The following LIMCH1 variants were observed in gnomAD, a reference collection of about 807,000 sequenced individuals.
LIMCH1 encodes the protein LIM and calponin homology domains-containing protein 1.
LIMCH1 carries 113 observed loss-of-function variants against 176.5 expected under a neutral mutation model. The ratio of observed to expected loss-of-function variants is 0.64; its 90% CI spans 0.55 to 0.75. LIMCH1 has a LOEUF of 0.75. LIMCH1 is among the 30% of genes least tolerant of loss of function. LIMCH1 has a pLI of 0.00. For synonymous variants in LIMCH1, 619 were observed against 645.9 expected (o/e 0.96, Z 0.63); for missense variants, 1,674 against 1,814.9 (o/e 0.92, Z 1.41).
chr4:41,502,641 A>G (rs141798622), intron 2 of LIMCH1, among the ~76,000 whole-genome samples: 59 of 152,224 alleles, frequency 3.9e-4, no homozygotes, highest in African/African-American at 1.2e-3. Context: ...TTTGATTTGC[A>G]TTTCTCTAAT....
At chr4:41,659,589 G>A (rs550165747) in intron 18 of LIMCH1, among the ~76,000 whole-genome samples, 1 of 152,100 alleles carries the variant, frequency 6.6e-6, no homozygotes, top group South Asian at 2.1e-4. Flanking sequence ...TATGAGAGAC[G>A]AATAAATTCA....
At chr4:41,656,788 G>A (rs16853420) in intron 18 of LIMCH1, among the ~76,000 whole-genome samples, 1,532 of 152,238 alleles carry the variant, frequency 0.01, 28 homozygotes, top group African/African-American at 0.034. Flanking sequence ...ACCGTTGCTC[G>A]GGAAAGGACG....
chr4:41,399,840 A>ATTTTTTTTTTTTTT (rs71198650), intron 1 of LIMCH1, among the ~76,000 whole-genome samples: 3 of 114,112 alleles, frequency 2.6e-5, no homozygotes, highest in African/African-American at 1.2e-4. Flanking sequence ...TGCCCGGCTA[A>ATTTTTTTTTTTTTT]TTTTTTTTTT....
intron 1 of LIMCH1, among the ~76,000 whole-genome samples, chr4:41,539,018 G>A (rs545300669): frequency 6.6e-6 from 1 of 152,234 alleles, no homozygotes; most frequent in South Asian, 2.1e-4. Context: ...CGTCAGACCC[G>A]TCTGAATGCT....
At chr4:41,390,240 GA>G (rs2057053358) in intron 1 of LIMCH1, among the ~76,000 whole-genome samples, 1 of 54,452 alleles carries the variant, frequency 1.8e-5, no homozygotes, top group African/African-American at 1.5e-4. Flanking sequence ...CTCTCTCAGG[GA>G]GAGAGAGAGA....
At chr4:41,390,239 G>GGAGAGAGAGAGAGA (rs34011822) in intron 1 of LIMCH1, among the ~76,000 whole-genome samples, 9 of 138,348 alleles carry the variant, frequency 6.5e-5, no homozygotes, top group African/African-American at 1.3e-4. Context: ...TCTCTCTCAG[G>GGAGAGAGAGAGAGA]GAGAGAGAGA....
chr4:41,685,878 C>A, intron 28 of LIMCH1, 48 bp downstream of exon 28: 6 of 1,592,878 alleles, frequency 3.8e-6, no homozygotes, highest in Middle Eastern at 1.7e-4. Context: ...TTTAAAAATT[C>A]ATTTAGTTAG....
chr4:41,648,658 G>GGGGTGTGTGT (rs1554153123), intron 17 of LIMCH1, among the ~76,000 whole-genome samples: 30 of 135,398 alleles, frequency 2.2e-4, no homozygotes, highest in African/African-American at 7.9e-4. Flanking sequence ...AAGGGGTAGG[G>GGGGTGTGTGT]GTGTGTGTGT....
At chr4:41,359,793 G>C (rs943700400), upstream of LIMCH1, 4 of 152,108 alleles carry the variant, frequency 2.6e-5, no homozygotes, top group African/African-American at 9.7e-5. Context: ...TAATGGAACC[G>C]CGACTCACAG....
intron 1 of LIMCH1, among the ~76,000 whole-genome samples, chr4:41,450,087 T>A (rs1226219263): frequency 6.6e-6 from 1 of 152,204 alleles, no homozygotes; most frequent in East Asian, 1.9e-4. Context: ...GGTCACATTC[T>A]GAAGGTACTG....
At chr4:41,397,797 T>C (rs934098525) in intron 1 of LIMCH1, among the ~76,000 whole-genome samples, 2 of 152,228 alleles carry the variant, frequency 1.3e-5, no homozygotes, top group Non-Finnish European at 2.9e-5. Flanking sequence ...CTCCTTACAA[T>C]CTTATCAGTC....
At chr4:41,571,542 G>C (rs991233417) in intron 1 of LIMCH1, among the ~76,000 whole-genome samples, 6 of 152,056 alleles carry the variant, frequency 3.9e-5, no homozygotes, top group Non-Finnish European at 8.8e-5. Flanking sequence ...AGGGGAATGG[G>C]ATAAAATTAT....
intron 7 of LIMCH1, among the ~76,000 whole-genome samples, chr4:41,625,246 G>A (rs1233731194): frequency 1.3e-5 from 2 of 152,056 alleles, no homozygotes; most frequent in African/African-American, 2.4e-5. Flanking sequence ...TATCTGGAAT[G>A]TACTAAATGT....
intron 4 of LIMCH1, among the ~76,000 whole-genome samples, chr4:41,607,953 A>G (rs1352917823): frequency 6.6e-6 from 1 of 152,242 alleles, no homozygotes; most frequent in Non-Finnish European, 1.5e-5. Context: ...TGTGATATAT[A>G]TAATCTCATT....
At chr4:41,369,943 T>TGTGTGTGTGTGTG (rs1554016001) in intron 1 of LIMCH1, among the ~76,000 whole-genome samples, 20 of 151,382 alleles carry the variant, frequency 1.3e-4, no homozygotes, top group Admixed American at 8.5e-4. Context: ...AAGCAAAGTG[T>TGTGTGTGTGTGTG]GTGTGTGTGT....
rs1335811878 is a variant in LIMCH1, at chr4:41,632,772, A to C, written c.1625A>C (p.Asp542Ala). 2 of 1,536,296 alleles carry C rather than the reference A, an allele frequency of 1.3e-6. No homozygotes were observed. Among genetic ancestry groups the C allele is most frequent in the East Asian group, 4.9e-5 (2 of 40,912 alleles). The change falls in exon 11 of 32, where the codon GAC (aspartate) becomes GCC (alanine). Residue 542 changes from aspartate to alanine, a missense_variant. By Grantham distance (126) the Asp-to-Ala change is moderately radical. Coordinates refer to ENST00000503057, the MANE Select transcript of LIMCH1 (RefSeq NM_001330672.2). ...AGAACAATGAATTGTGGCCGAGGTG[A>C]CTATTGCAGAAGGGCCTCGTGGCTG... Reference protein sequence around the residue: ...DCRTMNCGRGDYCRRASWLAP... With the variant: ...DCRTMNCGRGAYCRRASWLAP...
chr4:41,650,504 G>A lies in LIMCH1; in HGVS notation c.2932G>A (p.Glu978Lys), dbSNP rs147874816. ...AHSLTKSQMF[E>K]GVARVHGSPL... ...CTCCTTAACCAAATCCCAGATGTTT[G>A]AAGGTGTGGCCAGAGTGCACGGGTC... The change falls in exon 18 of 32, where the codon GAA becomes AAA. Residue 978 changes from glutamate (E) to lysine (K), a missense_variant. Physicochemically the swap from Glu to Lys is moderately conservative, Grantham distance 56. Coordinates refer to ENST00000503057, the MANE Select transcript of LIMCH1 (RefSeq NM_001330672.2). The A allele has an allele frequency of 1.7e-3, 2,799 of 1,614,080 alleles. 5 individuals carry two copies. Among genetic ancestry groups the A allele is most frequent in the Non-Finnish European group, 2.1e-3 (2,486 of 1,180,004 alleles).
At chr4:41,476,031 G>A (rs2067685905) in intron 1 of LIMCH1, among the ~76,000 whole-genome samples, 1 of 152,166 alleles carries the variant, frequency 6.6e-6, no homozygotes, top group African/African-American at 2.4e-5. Flanking sequence ...GAGGGCAGTG[G>A]CATGATTATA....
intron 1 of LIMCH1, among the ~76,000 whole-genome samples, chr4:41,366,585 T>C (rs1171923369): frequency 6.6e-6 from 1 of 152,148 alleles, no homozygotes; most frequent in East Asian, 1.9e-4. Flanking sequence ...GAAGGGATAA[T>C]AGAACTTTGG....
Sources: gnomAD v4.1 joint callset for allele counts (sites outside exome capture counted in the v4.1 genomes callset) on GRCh38, gnomAD v4.1.1 for gene constraint, MANE v1.5 for transcripts, NCBI Gene and HGNC (gene_info 2026-07-23, HGNC 2026-07-21) for gene names.